Variants in ENOX1 observed in about 807,000 individuals in gnomAD.
ENOX1 encodes candidate growth-related and time keeping constitutive hydroquinone (NADH) oxidase.
Under a neutral mutation model 82.5 loss-of-function variants are expected in ENOX1, and 42 were observed. The ratio of observed to expected loss-of-function variants is 0.51; its 90% CI spans 0.40 to 0.66. ENOX1 has a LOEUF of 0.66. ENOX1 is among the 30% of genes least tolerant of loss of function. The pLI is 0.00. For synonymous variants in ENOX1, 271 were observed against 282.2 expected (o/e 0.96, Z 0.40); for missense variants, 608 against 811.6 (o/e 0.75, Z 3.05).
At chr13:43,454,840 C>A (rs1269325468) in intron 3 of ENOX1, among the ~76,000 whole-genome samples, 2 of 119,840 alleles carry the variant, frequency 1.7e-5, no homozygotes, top group East Asian at 2.0e-4. Flanking sequence ...ATATTGAAAC[C>A]ATTTTTTTTT....
chr13:43,236,103 G>A (rs1427061120), intron 15 of ENOX1, among the ~76,000 whole-genome samples: 1 of 152,126 alleles, frequency 6.6e-6, no homozygotes, highest in Non-Finnish European at 1.5e-5. Context: ...TGTTCATCCT[G>A]GACAAAAGGA....
intron 3 of ENOX1, among the ~76,000 whole-genome samples, chr13:43,441,534 G>C (rs902519773): frequency 8.5e-5 from 13 of 152,094 alleles, no homozygotes; most frequent in Non-Finnish European, 2.9e-5. Flanking sequence ...TTAACCCAGG[G>C]CTACTACTAG....
intron 2 of ENOX1, among the ~76,000 whole-genome samples, chr13:43,629,671 T>A (rs2083121851): frequency 6.6e-6 from 1 of 152,246 alleles, no homozygotes; most frequent in Non-Finnish European, 1.5e-5. Context: ...ACATTTCAGT[T>A]GAACCAATTA....
At chr13:43,360,762 G>A (rs1298599427) in intron 6 of ENOX1, among the ~76,000 whole-genome samples, 2 of 149,728 alleles carry the variant, frequency 1.3e-5, no homozygotes, top group African/African-American at 2.5e-5. Context: ...TAGTATCTGA[G>A]GCAAAATTAA....
chr13:43,626,144 T>C (rs917522536), intron 2 of ENOX1, among the ~76,000 whole-genome samples: 1 of 151,866 alleles, frequency 6.6e-6, no homozygotes, highest in African/African-American at 2.4e-5. Flanking sequence ...CTCACAGTAT[T>C]ATCTTAATTT....
intron 12 of ENOX1, among the ~76,000 whole-genome samples, chr13:43,286,213 C>G (rs919660795): frequency 2.0e-5 from 3 of 152,128 alleles, no homozygotes; most frequent in Admixed American, 6.6e-5. Context: ...GTGTCCATAG[C>G]TGGAGGGAGA....
At chr13:43,377,787 G>A (rs2051745914) in intron 5 of ENOX1, among the ~76,000 whole-genome samples, 1 of 152,202 alleles carries the variant, frequency 6.6e-6, no homozygotes, top group Non-Finnish European at 1.5e-5. Context: ...ACTCAGGTCA[G>A]TTCTATTGCA....
intron 2 of ENOX1, among the ~76,000 whole-genome samples, chr13:43,519,396 C>A (rs1212238634): frequency 1.3e-5 from 2 of 152,166 alleles, no homozygotes; most frequent in Non-Finnish European, 2.9e-5. Flanking sequence ...GAAACAAATT[C>A]TTTAGCCTAA....
chr13:43,523,931 A>C (rs2077881491), intron 2 of ENOX1, among the ~76,000 whole-genome samples: 1 of 152,246 alleles, frequency 6.6e-6, no homozygotes. Flanking sequence ...CATGATCAAT[A>C]AGAAGGTACC....
At chr13:43,602,771 G>A (rs2081782771) in intron 2 of ENOX1, among the ~76,000 whole-genome samples, 1 of 151,990 alleles carries the variant, frequency 6.6e-6, no homozygotes, top group African/African-American at 2.4e-5. Flanking sequence ...AAAAAGGATA[G>A]GGCAATCTAA....
intron 2 of ENOX1, among the ~76,000 whole-genome samples, chr13:43,584,625 G>A (rs1022154457): frequency 6.6e-6 from 1 of 152,182 alleles, no homozygotes; most frequent in African/African-American, 2.4e-5. Flanking sequence ...ATATAAAGCA[G>A]TTATTCTAGG....
intron 2 of ENOX1, among the ~76,000 whole-genome samples, chr13:43,515,244 G>A (rs1054118691): frequency 2.0e-5 from 3 of 152,086 alleles, no homozygotes; most frequent in African/African-American, 4.8e-5. Context: ...GCATAAAATC[G>A]CTGTGGGTGA....
chr13:43,566,611 C>T (rs1054497332), intron 2 of ENOX1, among the ~76,000 whole-genome samples: 3 of 151,258 alleles, frequency 2.0e-5, no homozygotes, highest in Middle Eastern at 3.2e-3. Context: ...AGAAGGAACA[C>T]TGGTTATTTG....
chr13:43,339,249 A>G (rs2048918667), intron 9 of ENOX1, among the ~76,000 whole-genome samples: 1 of 152,226 alleles, frequency 6.6e-6, no homozygotes, highest in Non-Finnish European at 1.5e-5. Flanking sequence ...ACTTTTGTTA[A>G]GCACTGAACT....
chr13:43,221,320 T>A (rs1054954180), intron 16 of ENOX1, among the ~76,000 whole-genome samples: 5 of 152,232 alleles, frequency 3.3e-5, no homozygotes, highest in Non-Finnish European at 7.3e-5. Context: ...CATCTGCTAA[T>A]GCTCAAGTCA....
At chr13:43,550,456 G>T (rs2079146766) in intron 2 of ENOX1, among the ~76,000 whole-genome samples, 1 of 152,158 alleles carries the variant, frequency 6.6e-6, no homozygotes, top group Non-Finnish European at 1.5e-5. Context: ...CCAAGAGATG[G>T]TATAAGTAGG....
chr13:43,480,234 TG>T (rs2058457263), intron 3 of ENOX1, among the ~76,000 whole-genome samples: 1 of 152,146 alleles, frequency 6.6e-6, no homozygotes, highest in African/African-American at 2.4e-5. Flanking sequence ...CCACTGCACC[TG>T]GCTGGTTACT....
intron 14 of ENOX1, among the ~76,000 whole-genome samples, chr13:43,244,083 G>A (rs2042967814): frequency 6.6e-6 from 1 of 150,926 alleles, no homozygotes; most frequent in Admixed American, 6.6e-5. Flanking sequence ...CTAAGCAAGT[G>A]AGGCAGAATG....
intron 12 of ENOX1, among the ~76,000 whole-genome samples, chr13:43,297,172 C>T (rs377056008): frequency 1.2e-4 from 18 of 152,308 alleles, no homozygotes; most frequent in East Asian, 9.7e-4. Flanking sequence ...ATAATTTGTA[C>T]GAGTTGGTTA....
Sources: gnomAD v4.1 joint callset for allele counts (sites outside exome capture counted in the v4.1 genomes callset) on GRCh38, gnomAD v4.1.1 for gene constraint, MANE v1.5 for transcripts, NCBI Gene and HGNC (gene_info 2026-07-23, HGNC 2026-07-21) for gene names.